Variants in MAP2 observed in about 807,000 individuals in gnomAD.
The protein encoded by MAP2 is microtubule-associated protein 2.
Under a neutral mutation model 137.6 loss-of-function variants are expected in MAP2, and 14 were observed. The ratio of observed to expected loss-of-function variants is 0.10; its 90% CI spans 0.07 to 0.16. The LOEUF (loss-of-function observed/expected upper bound fraction) is 0.16, where lower values mean the gene tolerates loss of function less well. Ranked by LOEUF, MAP2 falls within the 10% of genes least tolerant of loss-of-function variation. MAP2 has a pLI of 1.00. For synonymous variants in MAP2, 786 were observed against 782.3 expected, an observed-to-expected ratio of 1.00 and a Z score of -0.08; for missense variants, 2,088 against 2,191.5, an observed-to-expected ratio of 0.95 and a Z score of 0.94.
chr2:209,473,892 T>C (rs1706460763), intron 1 of MAP2, among the ~76,000 whole-genome samples: 1 of 152,204 alleles, frequency 6.6e-6, no homozygotes, highest in Non-Finnish European at 1.5e-5. Context: ...AAAAAAATTA[T>C]CACATATTAC....
rs552534259 is a variant in MAP2, at chr2:209,540,792, A to T, written c.-172+33151A>T. Among the ~76,000 whole-genome samples, 24 of 150,568 alleles carry T rather than the reference A, an allele frequency of 1.6e-4. No homozygotes were observed. In the South Asian group the frequency reaches 5.0e-3, roughly 31 times the overall value. The stretch of plus-strand genomic sequence containing the variant: ...AATGCACTTAAGAAATGCATTGAGG[A>T]TTTTCAAAATATATTTGCTCTTGAG... On this transcript the variant is annotated intron_variant, in intron 2 of 15. Transcript: ENST00000682079.
intron 5 of MAP2, among the ~76,000 whole-genome samples, chr2:209,664,029 C>A (rs554650426): frequency 2.0e-5 from 3 of 152,308 alleles, no homozygotes; most frequent in African/African-American, 7.2e-5. Context: ...AATGAGTCTT[C>A]CTCTTCTGAA....
chr2:209,653,092 C>A, intron 4 of MAP2, 50 bp from the exon 5 acceptor site: 1 of 1,419,336 alleles, frequency 7.0e-7, no homozygotes, highest in Admixed American at 2.7e-5. Context: ...CAACCAATAT[C>A]AGATCAGAAG....
rs569854104 is a variant in MAP2 at position 209,731,909 on chromosome 2, A to G, written c.*1512A>G. ...AACACACTGTGATCTAGTATTATTT[A>G]TCAGTAGATAATACTGTTCTGACTG... On this transcript the variant is annotated 3_prime_UTR_variant, in exon 16 of 16. Transcript: ENST00000682079. The G allele has an allele frequency of 1.3e-5, 2 of 152,322 alleles. No individual in the cohort carries two copies. Among genetic ancestry groups the G allele is most frequent in the South Asian group, 2.1e-4 (1 of 4,830 alleles). 9.4% of individuals were successfully genotyped at this position (152,322 alleles called of 1,614,324 possible). A position where few individuals can be genotyped will look rare whatever the true frequency, so the allele number is the denominator to read the frequency against.
intron 1 of MAP2, among the ~76,000 whole-genome samples, chr2:209,504,243 T>G (rs1486401025): frequency 1.1e-4 from 16 of 149,650 alleles, no homozygotes; most frequent in Non-Finnish European, 1.5e-5. Flanking sequence ...GAAGTCAGGC[T>G]CCTGTGTCAT....
intron 3 of MAP2, among the ~76,000 whole-genome samples, chr2:209,592,300 A>G (rs1010837487): frequency 2.0e-5 from 3 of 152,184 alleles, no homozygotes; most frequent in Admixed American, 6.5e-5. Context: ...GCTGTGTTTC[A>G]ATAAAACATT....
At chr2:209,453,253 A>G (rs1029924286) in intron 1 of MAP2, among the ~76,000 whole-genome samples, 1 of 152,124 alleles carries the variant, frequency 6.6e-6, no homozygotes, top group Non-Finnish European at 1.5e-5. Flanking sequence ...CTCTGCTTTA[A>G]TGATGCATGA....
At chr2:209,473,219 A>G (rs559222898) in intron 1 of MAP2, among the ~76,000 whole-genome samples, 36 of 152,270 alleles carry the variant, frequency 2.4e-4, no homozygotes, top group Non-Finnish European at 4.7e-4. Flanking sequence ...CATAAATCCC[A>G]CGTTTTACAG....
At chr2:209,479,270 CA>C (rs959740661) in intron 1 of MAP2, among the ~76,000 whole-genome samples, 1 of 151,914 alleles carries the variant, frequency 6.6e-6, no homozygotes, top group African/African-American at 2.4e-5. Flanking sequence ...TTAAAATTAA[CA>C]AAAGAAGGGA....
At chr2:209,706,071 A>T (rs1232615625) in intron 12 of MAP2, among the ~76,000 whole-genome samples, 2 of 152,194 alleles carry the variant, frequency 1.3e-5, no homozygotes, top group Admixed American at 1.3e-4. Flanking sequence ...TTAAAAACAT[A>T]CATCTATAAA....
At chr2:209,725,563 C>T (rs2153812148) in intron 13 of MAP2, 146 bp from the exon 14 acceptor site, 1 of 434,352 alleles carries the variant, frequency 2.3e-6, no homozygotes, top group Non-Finnish European at 4.2e-6. Flanking sequence ...TTATGTCTTC[C>T]TCTGTTTGTG....
chr2:209,561,552 C>T (rs763039427), intron 2 of MAP2, among the ~76,000 whole-genome samples: 4 of 152,140 alleles, frequency 2.6e-5, no homozygotes, highest in Non-Finnish European at 4.4e-5. Context: ...GAGGACATTC[C>T]TCATAAGGTC....
intron 2 of MAP2, among the ~76,000 whole-genome samples, chr2:209,566,427 A>G (rs930411651): frequency 1.3e-5 from 2 of 152,186 alleles, no homozygotes; most frequent in African/African-American, 4.8e-5. Flanking sequence ...AATGCCAGCT[A>G]TTGAGTAAGA....
intron 1 of MAP2, among the ~76,000 whole-genome samples, chr2:209,488,590 A>T (rs1004457450): frequency 4.6e-5 from 7 of 151,996 alleles, no homozygotes; most frequent in African/African-American, 1.4e-4. Flanking sequence ...GGGATGCTCG[A>T]GCTTGGTGGG....
intron 13 of MAP2, among the ~76,000 whole-genome samples, chr2:209,718,656 C>T (rs567526479): frequency 2.0e-5 from 3 of 152,242 alleles, no homozygotes; most frequent in East Asian, 1.9e-4. Context: ...ACTCAGCTTG[C>T]GTAGGAAAAT....
intron 2 of MAP2, among the ~76,000 whole-genome samples, chr2:209,561,211 T>C (rs2071982070): frequency 6.6e-6 from 1 of 152,208 alleles, no homozygotes; most frequent in Non-Finnish European, 1.5e-5. Flanking sequence ...TGTCTTTTAT[T>C]CTTATATTTT....
In MAP2 at chr2:209,729,956, T is replaced by A; in HGVS notation, c.5262T>A (p.Asn1754Lys). The change falls in exon 15 of 16, where the codon AAT becomes AAA. Residue 1754 changes from asparagine to lysine, a missense_variant. Asn to Lys is a moderately conservative substitution (Grantham distance 94). Around this residue, in one of 6 missense-constraint regions of MAP2, gnomAD observed 112 missense variants for 201.0 expected, o/e 0.56. Transcript: ENST00000682079. ...DNAHHVPGGG[N>K]VKIDSQKLNF... ...CTCATCATGTACCTGGAGGTGGTAATGTCAAGGTAAGAAACAAGGTTATGA... is the reference window on the plus strand; with the variant it reads ...CTCATCATGTACCTGGAGGTGGTAAAGTCAAGGTAAGAAACAAGGTTATGA... The A allele has an allele frequency of 6.3e-7, 1 of 1,599,130 alleles. No individual in the cohort carries two copies. Among genetic ancestry groups the A allele is most frequent in the Non-Finnish European group, 8.6e-7 (1 of 1,168,122 alleles).
chr2:209,596,133 T>C (rs570135385), intron 3 of MAP2, among the ~76,000 whole-genome samples: 1 of 151,188 alleles, frequency 6.6e-6, no homozygotes, highest in Non-Finnish European at 1.5e-5. Context: ...AAAAAGAAAA[T>C]AAAAATAACA....
chr2:209,462,610 G>A (rs778943264), intron 1 of MAP2, among the ~76,000 whole-genome samples: 2 of 152,060 alleles, frequency 1.3e-5, no homozygotes, highest in Non-Finnish European at 2.9e-5. Flanking sequence ...TTAGGAGACC[G>A]CACCATGCTC....
Sources: allele counts gnomAD v4.1 joint callset (sites outside exome capture counted in the v4.1 genomes callset), GRCh38; gene constraint gnomAD v4.1.1; regional missense constraint gnomAD v4.1.1; transcripts MANE v1.5; gene names NCBI Gene and HGNC (gene_info 2026-07-23, HGNC 2026-07-21).